The following FNDC4 variants were observed in gnomAD, a reference collection of about 807,000 sequenced individuals.
FNDC4 encodes fibronectin type III domain containing 4.
Under a neutral mutation model 25.1 loss-of-function variants are expected in FNDC4, and 11 were observed. That is an observed-to-expected ratio of 0.44 (90% confidence interval 0.28 to 0.73). FNDC4 has a LOEUF of 0.73. FNDC4 is among the 30% of genes least tolerant of loss of function. FNDC4 has a pLI of 0.16. For synonymous variants in FNDC4, 136 were observed against 118.8 expected (o/e 1.14, Z -0.94); for missense variants, 250 against 304.3 (o/e 0.82, Z 1.33).
At position 27,493,943 on chromosome 2, in the gene FNDC4, GT is replaced by G; in HGVS notation, c.440del (p.Asn147ThrfsTer37). 1 of 1,614,222 alleles carries G rather than the reference GT, an allele frequency of 6.2e-7. No individual in the cohort carries two copies. The highest frequency in any genetic ancestry group is 8.5e-7 in the Non-Finnish European group (1 of 1,180,020). ...TLKGSDRLPS[N>X]SSSPGDITVE... is the part of the protein sequence containing the mutation. ...ACAGATCCTCACCTGGGCTTGAACTGTTTGAAGGTAGCCGGTCAGAACCCTT... is the reference window on the plus strand; with the variant it reads ...ACAGATCCTCACCTGGGCTTGAACTGTTGAAGGTAGCCGGTCAGAACCCTT... On this transcript the variant is annotated frameshift_variant, in exon 4 of 7. Transcript: ENST00000264703. LOFTEE classifies it high-confidence loss of function.
Position 27,492,424 on chromosome 2 carries a change from T to A in FNDC4, c.*19A>T. 1 of 1,614,086 alleles carries A rather than the reference T, an allele frequency of 6.2e-7. No homozygotes were observed. The highest frequency in any genetic ancestry group is 8.5e-7 in the Non-Finnish European group (1 of 1,179,934). On this transcript the variant is annotated 3_prime_UTR_variant, in exon 7 of 7. Coordinates refer to ENST00000264703, the MANE Select transcript of FNDC4 (RefSeq NM_022823.3). The surrounding 1 kb of genome is among the most constrained non-coding windows in gnomAD (Gnocchi z 4.1). ...TCCCCAGTTGTTAGTGCATCTCTCT[T>A]CTGGGTGTGTTTCTTCACTCAAACG... is the stretch of plus-strand genomic sequence containing the variant.
rs200705101 is a variant in FNDC4, at chr2:27,493,994, C to T, written c.390G>A (p.Gly130=). 48 of 1,614,092 alleles carry T rather than the reference C, an allele frequency of 3.0e-5. No homozygotes were observed. The highest frequency in any genetic ancestry group is 3.9e-5 in the Non-Finnish European group (46 of 1,180,042). Residue 130 remains glycine, a synonymous_variant, in exon 4 of 7, where the codon GGG becomes GGA. Coordinates refer to ENST00000264703, the MANE Select transcript of FNDC4 (RefSeq NM_022823.3). ...TGAGAGTTCGGAAGTGCACCCGGGG[C>T]CCTGGGGGACTCTCTCCCCGAAGGC... The part of the protein sequence containing the change: ...SIGLRGESPP[G]PRVHFRTLKG...
At position 27,492,895 on chromosome 2, in the gene FNDC4, G is replaced by A. The variant is rs1355081667; in HGVS notation, c.545-105C>T. ...ATGAAGAACATCCTGAATTCCTGGT[G>A]CCCATGCAGTCCTCCTCTCTGGGCT... On this transcript the variant is annotated intron_variant, in intron 5 of 6. Coordinates refer to ENST00000264703, the MANE Select transcript of FNDC4 (RefSeq NM_022823.3). The surrounding 1 kb of genome is among the most constrained non-coding windows in gnomAD (Gnocchi z 4.1). The A allele has an allele frequency of 2.3e-6, 3 of 1,325,756 alleles. No homozygotes were observed. In the East Asian group the frequency reaches 6.9e-5, roughly 31 times the overall value. The allele number at this position is 1,325,756 out of a possible 1,614,324, so 82.1% of individuals were successfully genotyped here.
At position 27,492,728 on chromosome 2, in the gene FNDC4, G is replaced by A. The variant is rs1454825515; in HGVS notation, c.607C>T (p.Pro203Ser). The A allele has an allele frequency of 1.2e-6, 2 of 1,614,048 alleles. No individual in the cohort carries two copies. Among genetic ancestry groups the A allele is most frequent in the South Asian group, 2.2e-5 (2 of 91,082 alleles). The stretch of plus-strand genomic sequence containing the variant: ...TCCGGCCCCTTTCCCTTCTCCTTGG[G>A]ATTGTTGTTGGAGTCATTGTCCTTG... ...IIKDNDSNNN[P>S]KEKGKGPEQS... The change falls in exon 6 of 7, where the codon CCC (proline) becomes TCC (serine). Residue 203 changes from proline to serine, a missense_variant. Coordinates refer to ENST00000264703, the MANE Select transcript of FNDC4 (RefSeq NM_022823.3). This position sits in a 1 kb window ranked among gnomAD's most constrained non-coding sequence, Gnocchi z 4.1.
At chr2:27,493,527 A>C in intron 4 of FNDC4, 49 bp from the exon 5 acceptor site, 24 of 1,337,948 alleles carry the variant, frequency 1.8e-5, no homozygotes, top group Non-Finnish European at 2.5e-5. Context: ...TGGGGTCCAT[A>C]CTGCAGACAT....
chr2:27,494,527 C>T lies in FNDC4; in HGVS notation c.133+20G>A, dbSNP rs776075281. ...TTGACTAGCTGTGGTTGACCCTCAGCCCCGTTCCCCTTTACTTACCTGCTC... is the reference window on the plus strand; with the variant it reads ...TTGACTAGCTGTGGTTGACCCTCAGTCCCGTTCCCCTTTACTTACCTGCTC... On this transcript the variant is annotated intron_variant, in intron 2 of 6. Transcript: ENST00000264703. This position sits in a 1 kb window ranked among gnomAD's most constrained non-coding sequence, Gnocchi z 4.6. The T allele has an allele frequency of 1.9e-6, 3 of 1,612,194 alleles. No homozygotes were observed. The Admixed American group carries it at 5.0e-5, about 27-fold the overall frequency.
intron 5 of FNDC4, among the ~76,000 whole-genome samples, chr2:27,493,088 C>T (rs1669300424): frequency 6.7e-6 from 1 of 149,814 alleles, no homozygotes; most frequent in Admixed American, 6.7e-5. Flanking sequence ...GGCTCGCTCA[C>T]TGCAACTTCC....
chr2:27,493,999 G>A lies in FNDC4; in HGVS notation c.385C>T (p.Pro129Ser), dbSNP rs1669320011. The A allele has an allele frequency of 6.2e-7, 1 of 1,614,198 alleles. No individual in the cohort carries two copies. Among genetic ancestry groups the A allele is most frequent in the Non-Finnish European group, 8.5e-7 (1 of 1,180,028 alleles). ...GTTCGGAAGTGCACCCGGGGCCCTG[G>A]GGGACTCTCTCCCCGAAGGCCGATG... Reference protein sequence around the residue: ...RSIGLRGESPPGPRVHFRTLK... With the variant: ...RSIGLRGESPSGPRVHFRTLK... The change falls in exon 4 of 7, where the codon CCA (proline) becomes TCA (serine). Residue 129 changes from proline (P) to serine (S), a missense_variant. By Grantham distance (74) the Pro-to-Ser change is moderately conservative. Transcript: ENST00000264703.
At position 27,492,154 on chromosome 2, in the gene FNDC4, C is replaced by T. The variant is rs902127705; in HGVS notation, c.*289G>A. On this transcript the variant is annotated 3_prime_UTR_variant, in exon 7 of 7. Coordinates refer to ENST00000264703, the MANE Select transcript of FNDC4 (RefSeq NM_022823.3). The surrounding 1 kb of genome is among the most constrained non-coding windows in gnomAD (Gnocchi z 4.1). ...TCCTGATACAGGTGAAATGGGGCCC[C>T]CATTTGGGACCTAATGGAGTAGGGT... 1 of 470,274 alleles carries T rather than the reference C, an allele frequency of 2.1e-6. No homozygotes were observed. Among genetic ancestry groups the T allele is most frequent in the Non-Finnish European group, 3.8e-6 (1 of 262,784 alleles). The allele number at this position is 470,274 out of a possible 1,614,324, so 29.1% of individuals were successfully genotyped here. A position where few individuals can be genotyped will look rare whatever the true frequency, so the allele number is the denominator to read the frequency against.
chr2:27,494,378 G>A lies in FNDC4; in HGVS notation c.222C>T (p.Ile74=), dbSNP rs893921290. The A allele has an allele frequency of 1.2e-6, 2 of 1,613,914 alleles. No homozygotes were observed. Among genetic ancestry groups the A allele is most frequent in the African/African-American group, 1.3e-5 (1 of 75,066 alleles). Residue 74 remains isoleucine (I), a synonymous_variant, in exon 3 of 7, where the codon ATC becomes ATT. Transcript: ENST00000264703. This position sits in a 1 kb window ranked among gnomAD's most constrained non-coding sequence, Gnocchi z 4.6. ...GCTGGGAAATGGAGTAGCCAATGAC[G>A]ATGTTGCCTTCTGGGACGTCCCAGG... ...TVSWDVPEGN[I]VIGYSISQQR...
At position 27,493,973 on chromosome 2, in the gene FNDC4, A is replaced by G. The variant is rs1198065930; in HGVS notation, c.411T>C (p.Thr137=). ...SPPGPRVHFR[T]LKGSDRLPSN... is the part of the protein sequence containing the mutation. ...AAGGTAGCCGGTCAGAACCCTTGAG[A>G]GTTCGGAAGTGCACCCGGGGCCCTG... The change falls in exon 4 of 7, where the codon ACT becomes ACC. Residue 137 remains threonine, a synonymous_variant. Transcript: ENST00000264703. 1 of 1,614,222 alleles carries G rather than the reference A, an allele frequency of 6.2e-7. No individual in the cohort carries two copies. Among genetic ancestry groups the G allele is most frequent in the Admixed American group, 1.7e-5 (1 of 60,028 alleles).
Position 27,494,595 on chromosome 2 carries a change from G to C in FNDC4, c.85C>G (p.Pro29Ala). 1 of 1,612,682 alleles carries C rather than the reference G, an allele frequency of 6.2e-7. No homozygotes were observed. Among genetic ancestry groups the C allele is most frequent in the Non-Finnish European group, 8.5e-7 (1 of 1,179,434 alleles). The change falls in exon 2 of 7, where the codon CCC becomes GCC. Residue 29 changes from proline (P) to alanine (A), a missense_variant. Coordinates refer to ENST00000264703, the MANE Select transcript of FNDC4 (RefSeq NM_022823.3). This position sits in a 1 kb window ranked among gnomAD's most constrained non-coding sequence, Gnocchi z 4.6. ...SLVPLSPYLS[P>A]TVLLLVSCDL... is the part of the protein sequence containing the mutation. The stretch of plus-strand genomic sequence containing the variant: ...CAGCTGACCAGCAGGAGGACCGTGG[G>C]GCTTAGATATGGGGAAAGGGGCACC...
chr2:27,494,783 C>G lies in FNDC4; in HGVS notation c.-24-80G>C, dbSNP rs1669344438. 1.5e-6 allele frequency: 1 copy of G among 649,244 alleles called. No individual in the cohort carries two copies. Among genetic ancestry groups the G allele is most frequent in the South Asian group, 1.9e-5 (1 of 51,396 alleles). 40.2% of individuals were successfully genotyped at this position (649,244 alleles called of 1,614,324 possible). A position where few individuals can be genotyped will look rare whatever the true frequency, so the allele number is the denominator to read the frequency against. On this transcript the variant is annotated intron_variant, in intron 1 of 6. Transcript: ENST00000264703. This position sits in a 1 kb window ranked among gnomAD's most constrained non-coding sequence, Gnocchi z 4.6. The stretch of plus-strand genomic sequence containing the variant: ...CGGGGGGCAGCAGCTCTCCTGGGCT[C>G]CCCACAGCTCACAACAGCCCTATTT...
chr2:27,492,574 TC>T lies in FNDC4; in HGVS notation c.669+91del. The T allele has an allele frequency of 6.2e-7, 1 of 1,600,194 alleles. No individual in the cohort carries two copies. The highest frequency in any genetic ancestry group is 8.6e-7 in the Non-Finnish European group (1 of 1,167,476). On this transcript the variant is annotated intron_variant, in intron 6 of 6. Transcript: ENST00000264703. The surrounding 1 kb of genome is among the most constrained non-coding windows in gnomAD (Gnocchi z 4.1). ...CCCATCCCAGATCTTCCATTCTCCA[TC>T]TTTTTCTGCCCCTCTTTGACCTTCT...
At position 27,494,727 on chromosome 2, in the gene FNDC4, G is replaced by A; in HGVS notation, c.-24-24C>T. On this transcript the variant is annotated intron_variant, in intron 1 of 6. Transcript: ENST00000264703. The surrounding 1 kb of genome is among the most constrained non-coding windows in gnomAD (Gnocchi z 4.6). ...TCCTGGAGATGGCAGGAGTTGTGGG[G>A]GGTCAAGGACTGCCCAGAACGCACG... The A allele has an allele frequency of 3.4e-6, 5 of 1,462,754 alleles. No homozygotes were observed. Among genetic ancestry groups the A allele is most frequent in the Middle Eastern group, 2.3e-4 (1 of 4,276 alleles). The allele number at this position is 1,462,754 out of a possible 1,614,324, so 90.6% of individuals were successfully genotyped here. A position where few individuals can be genotyped will look rare whatever the true frequency, so the allele number is the denominator to read the frequency against.
At position 27,494,467 on chromosome 2, in the gene FNDC4, C is replaced by T; in HGVS notation, c.134-1G>A. 1 of 1,614,090 alleles carries T rather than the reference C, an allele frequency of 6.2e-7. No individual in the cohort carries two copies. The highest frequency in any genetic ancestry group is 1.3e-5 in the African/African-American group (1 of 75,058). On this transcript the variant is annotated splice_acceptor_variant, in intron 2 of 6. Coordinates refer to ENST00000264703, the MANE Select transcript of FNDC4 (RefSeq NM_022823.3). LOFTEE classifies it high-confidence loss of function. The surrounding 1 kb of genome is among the most constrained non-coding windows in gnomAD (Gnocchi z 4.6). ...ACATTCACAGGAGAGGGAGGCCGGT[C>T]TGCGGGAGCCAGGGTGTTTAACAGG...
rs139437207 is a variant in FNDC4 at position 27,492,239 on chromosome 2, C to T, written c.*204G>A. ...AAGGAGATATCCCATCTGATATCCA[C>T]TCCCCAGGTCCAGGGGCACAGACTC... On this transcript the variant is annotated 3_prime_UTR_variant, in exon 7 of 7. Coordinates refer to ENST00000264703, the MANE Select transcript of FNDC4 (RefSeq NM_022823.3). This position sits in a 1 kb window ranked among gnomAD's most constrained non-coding sequence, Gnocchi z 4.1. The T allele has an allele frequency of 7.7e-3, 4,876 of 629,864 alleles. 45 individuals are homozygous for T. Among genetic ancestry groups the T allele is most frequent in the South Asian group, 0.025 (1,310 of 53,140 alleles). 39.0% of individuals were successfully genotyped at this position (629,864 alleles called of 1,614,324 possible).
In FNDC4 at chr2:27,494,617, C is replaced by A; in HGVS notation, c.63G>T (p.Val21=). 6.2e-7 allele frequency: 1 copy of A among 1,608,436 alleles called. No homozygotes were observed. The highest frequency in any genetic ancestry group is 8.5e-7 in the Non-Finnish European group (1 of 1,177,796). The change falls in exon 2 of 7, where the codon GTG becomes GTT. Residue 21 remains valine, a synonymous_variant. Coordinates refer to ENST00000264703, the MANE Select transcript of FNDC4 (RefSeq NM_022823.3). This position sits in a 1 kb window ranked among gnomAD's most constrained non-coding sequence, Gnocchi z 4.6. ...SGLRGDMASL[V]PLSPYLSPTV... ...TGGGGCTTAGATATGGGGAAAGGGGCACCAGCGAAGCCATGTCCCCACGGA... is the reference window on the plus strand; with the variant it reads ...TGGGGCTTAGATATGGGGAAAGGGGAACCAGCGAAGCCATGTCCCCACGGA...
Position 27,494,973 on chromosome 2 carries a change from TCCCGGCGCGGG to T in FNDC4, c.-131_-121del, listed in dbSNP as rs1669349919. 4.4e-6 allele frequency: 1 copy of T among 228,036 alleles called. No individual in the cohort carries two copies. The highest frequency in any genetic ancestry group is 9.0e-5 in the East Asian group (1 of 11,126). The allele number at this position is 228,036 out of a possible 1,614,324, so 14.1% of individuals were successfully genotyped here. On this transcript the variant is annotated 5_prime_UTR_variant, in exon 1 of 7. Transcript: ENST00000264703. The surrounding 1 kb of genome is among the most constrained non-coding windows in gnomAD (Gnocchi z 4.6). ...ACTCGGTGGCGCTGCCCCTACCCCATCCCGGCGCGGGCCCGGCGACGCGGGCAGCGCGGGGC... is the reference window on the plus strand; with the variant it reads ...ACTCGGTGGCGCTGCCCCTACCCCATCCCGGCGACGCGGGCAGCGCGGGGC...
Sources: gnomAD v4.1 joint callset for allele counts (sites outside exome capture counted in the v4.1 genomes callset) on GRCh38, gnomAD v4.1.1 for gene constraint, Gnocchi (gnomAD v3.1) non-coding constraint, MANE v1.5 for transcripts, NCBI Gene and HGNC (gene_info 2026-07-23, HGNC 2026-07-21) for gene names.